ABCC1: variants seen among roughly 807,000 people sequenced by gnomAD.
The protein encoded by ABCC1 is multidrug resistance-associated protein 1.
In ABCC1, 83 loss-of-function variants were observed where a neutral mutation model predicts 172.9. The observed-to-expected ratio is 0.48, with a 90% CI of 0.40 to 0.58. The LOEUF (loss-of-function observed/expected upper bound fraction) is 0.58, where lower values mean the gene tolerates loss of function less well. Ranked by LOEUF, ABCC1 falls within the 20% of genes least tolerant of loss-of-function variation. ABCC1 has a pLI of 0.00. For missense variants in ABCC1, 1,817 were observed against 2,002.7 expected (o/e 0.91, Z 1.77); for synonymous variants, 937 against 825.2 (o/e 1.14, Z -2.32).
chr16:16,119,257 A>G (rs2045045306), intron 23 of ABCC1, among the ~76,000 whole-genome samples: 1 of 152,128 alleles, frequency 6.6e-6, no homozygotes, highest in Non-Finnish European at 1.5e-5. Context: ...CCTGAGCAAC[A>G]TGGGAAAACC....
intron 23 of ABCC1, among the ~76,000 whole-genome samples, chr16:16,120,165 T>C (rs942979810): frequency 1.3e-5 from 2 of 151,934 alleles, no homozygotes; most frequent in South Asian, 2.1e-4. Flanking sequence ...ATGCTTTTTG[T>C]TGGACTCTGC....
At chr16:16,015,609 C>T (rs775326198) in intron 4 of ABCC1, among the ~76,000 whole-genome samples, 3 of 152,200 alleles carry the variant, frequency 2.0e-5, no homozygotes, top group South Asian at 2.1e-4. Flanking sequence ...CAAAGTGCCT[C>T]GCAGGGGACT....
intron 1 of ABCC1, among the ~76,000 whole-genome samples, chr16:15,991,298 G>C (rs1166575190): frequency 6.6e-6 from 1 of 151,902 alleles, no homozygotes; most frequent in Non-Finnish European, 1.5e-5. Flanking sequence ...GGGGTGCGGG[G>C]GGCTATGGGT....
intron 20 of ABCC1, among the ~76,000 whole-genome samples, chr16:16,104,871 G>T (rs56677863): frequency 0.042 from 6,468 of 152,242 alleles, 474 homozygotes; most frequent in African/African-American, 0.15. Context: ...GCTGGCCCAG[G>T]TGCTAAGCCC....
intron 5 of ABCC1, among the ~76,000 whole-genome samples, chr16:16,023,502 T>C (rs1480432056): frequency 4.6e-5 from 7 of 152,170 alleles, no homozygotes; most frequent in Admixed American, 4.6e-4. Flanking sequence ...TCTTGGACCG[T>C]TGATTAAAGC....
chr16:15,983,246 G>T (rs189577606), intron 1 of ABCC1, among the ~76,000 whole-genome samples: 2 of 152,248 alleles, frequency 1.3e-5, no homozygotes, highest in East Asian at 3.9e-4. Flanking sequence ...ACTCCAGGTA[G>T]AGGGAACCCA....
chr16:16,099,142 G>A lies in ABCC1; in HGVS notation c.2645-3485G>A, dbSNP rs141113718. On this transcript the variant is annotated intron_variant, in intron 19 of 30. Coordinates refer to ENST00000399410, the MANE Select transcript of ABCC1 (RefSeq NM_004996.4). ...CCTTTATTGTCACTGATGACCTTGG[G>A]TAAGCTCTACTGTTTCATGCATCAC... Among the ~76,000 whole-genome samples the A allele has an allele frequency of 8.1e-3, 1,235 of 152,322 alleles. 9 individuals carry two copies. Among genetic ancestry groups the A allele is most frequent in the Middle Eastern group, 0.044 (13 of 294 alleles).
intron 1 of ABCC1, among the ~76,000 whole-genome samples, chr16:15,956,720 TAA>T (rs1306778881): frequency 1.3e-5 from 2 of 152,186 alleles, no homozygotes; most frequent in African/African-American, 2.4e-5. Context: ...GATTAATTCA[TAA>T]GAGAGATTTT....
Position 16,132,130 on chromosome 16 carries a change from G to A in ABCC1, c.3966+195G>A, listed in dbSNP as rs147780182. 8.3e-4 allele frequency among the ~76,000 whole-genome samples: 127 copies of A among 152,260 alleles called. 2 individuals carry two copies. The highest frequency in any genetic ancestry group is 3.0e-3 in the African/African-American group (123 of 41,554). ...GCGCATACAGCTTGCAGAAGTGAAG[G>A]CTTTTAGGTGAACTGACAGCCTGAA... On this transcript the variant is annotated intron_variant, in intron 27 of 30. Transcript: ENST00000399410.
Position 16,090,551 on chromosome 16 carries a change from T to C in ABCC1, c.2607T>C (p.Tyr869=). 6.2e-7 allele frequency: 1 copy of C among 1,612,692 alleles called. No homozygotes were observed. Among genetic ancestry groups the C allele is most frequent in the South Asian group, 1.1e-5 (1 of 90,992 alleles). The change falls in exon 19 of 31, where the codon TAT becomes TAC. Residue 869 remains tyrosine (Y), a synonymous_variant. Coordinates refer to ENST00000399410, the MANE Select transcript of ABCC1 (RefSeq NM_004996.4). ...DGAFAEFLRT[Y]ASTEQEQDAE... is the part of the protein sequence containing the mutation. ...CCTTCGCTGAGTTCCTGCGTACCTA[T>C]GCCAGCACAGAGCAGGAGCAGGATG...
chr16:15,957,489 A>G (rs1412974381), intron 1 of ABCC1, among the ~76,000 whole-genome samples: 2 of 152,112 alleles, frequency 1.3e-5, no homozygotes, highest in African/African-American at 2.4e-5. Flanking sequence ...AATCAACATT[A>G]GAATTTGAGT....
intron 11 of ABCC1, among the ~76,000 whole-genome samples, chr16:16,054,612 G>A (rs2151910308): frequency 6.6e-6 from 1 of 152,162 alleles, no homozygotes; most frequent in East Asian, 1.9e-4. Context: ...TGGGTGGGAT[G>A]GGTGAGGCAG....
intron 1 of ABCC1, among the ~76,000 whole-genome samples, chr16:15,958,267 G>A (rs9922649): frequency 0.015 from 2,304 of 152,028 alleles, 65 homozygotes; most frequent in African/African-American, 0.052. Flanking sequence ...CACCACACTC[G>A]GCTTATTTTT....
At chr16:16,098,442 A>G (rs2051577035) in intron 19 of ABCC1, among the ~76,000 whole-genome samples, 1 of 152,218 alleles carries the variant, frequency 6.6e-6, no homozygotes, top group South Asian at 2.1e-4. Flanking sequence ...AACATGGCAA[A>G]ACCCCGTCTC....
chr16:15,994,604 T>G (rs923264858), intron 1 of ABCC1, among the ~76,000 whole-genome samples: 3 of 152,176 alleles, frequency 2.0e-5, no homozygotes, highest in Non-Finnish European at 4.4e-5. Flanking sequence ...TTTATTTATT[T>G]GAAGTGCGAA....
At chr16:15,989,513 C>G (rs1322362324) in intron 1 of ABCC1, among the ~76,000 whole-genome samples, 1 of 152,146 alleles carries the variant, frequency 6.6e-6, no homozygotes, top group Non-Finnish European at 1.5e-5. Flanking sequence ...CTGACCTAAC[C>G]ACGGGCCTCT....
Position 16,135,866 on chromosome 16 carries a change from C to T in ABCC1, c.4126-612C>T, listed in dbSNP as rs897346365. ...AAGATTCTCTTCTGTGGTTGGATGA[C>T]GGGAGAATCCACGGGACTTTACTGT... On this transcript the variant is annotated intron_variant, in intron 28 of 30. Transcript: ENST00000399410. Among the ~76,000 whole-genome samples, 8 of 152,198 alleles carry T rather than the reference C, an allele frequency of 5.3e-5. No individual in the cohort carries two copies. In the South Asian group the frequency reaches 8.3e-4, roughly 16 times the overall value.
At chr16:16,083,822 GC>G (rs1242484060) in intron 17 of ABCC1, among the ~76,000 whole-genome samples, 4 of 152,094 alleles carry the variant, frequency 2.6e-5, no homozygotes, top group Admixed American at 6.6e-5. Context: ...CCCAAGATAG[GC>G]CCCCCAGAAA....
intron 29 of ABCC1, among the ~76,000 whole-genome samples, chr16:16,136,868 C>G (rs1273009095): frequency 6.6e-6 from 1 of 152,112 alleles, no homozygotes; most frequent in Non-Finnish European, 1.5e-5. Context: ...AGTACATTTC[C>G]TTTTATACAC....
Sources: allele counts gnomAD v4.1 joint callset (sites outside exome capture counted in the v4.1 genomes callset), GRCh38; gene constraint gnomAD v4.1.1; transcripts MANE v1.5; gene names NCBI Gene and HGNC (gene_info 2026-07-23, HGNC 2026-07-21).